The following CEP112 variants were observed in gnomAD, a reference collection of about 807,000 sequenced individuals.
CEP112 encodes centrosomal protein 112.
CEP112 carries 127 observed loss-of-function variants against 153.0 expected under a neutral mutation model. That is an observed-to-expected ratio of 0.83 (90% CI 0.72 to 0.96). The LOEUF (loss-of-function observed/expected upper bound fraction) is 0.96. Ranked by LOEUF, CEP112 falls within the 40% of genes least tolerant of loss-of-function variation. The probability of loss-of-function intolerance (pLI) is 0.00; values close to 1 mark genes in which losing one functional copy is unlikely to be tolerated. For synonymous variants in CEP112, 358 were observed against 374.4 expected, an observed-to-expected ratio of 0.96 and a Z score of 0.51; for missense variants, 1,089 against 1,101.2, an observed-to-expected ratio of 0.99 and a Z score of 0.16.
chr17:66,102,554 T>C (rs2068606339), intron 6 of CEP112, among the ~76,000 whole-genome samples: 1 of 151,902 alleles, frequency 6.6e-6, no homozygotes, highest in African/African-American at 2.4e-5. Flanking sequence ...TCCCAGAACT[T>C]TGGGAGGCCG....
At chr17:65,819,800 C>A (rs1159578160) in intron 21 of CEP112, among the ~76,000 whole-genome samples, 1 of 151,892 alleles carries the variant, frequency 6.6e-6, no homozygotes, top group Non-Finnish European at 1.5e-5. Context: ...CATGAAAGAT[C>A]AGGAAAGACA....
chr17:65,731,128 T>C (rs1413734974), intron 23 of CEP112, among the ~76,000 whole-genome samples: 1 of 152,148 alleles, frequency 6.6e-6, no homozygotes, highest in Non-Finnish European at 1.5e-5. Context: ...AACTCACATT[T>C]AGATAACTTG....
At chr17:65,978,544 T>C (rs988930441) in intron 17 of CEP112, among the ~76,000 whole-genome samples, 1 of 152,228 alleles carries the variant, frequency 6.6e-6, no homozygotes, top group African/African-American at 2.4e-5. Context: ...AACAGCCACA[T>C]AGGATTCTTT....
intron 23 of CEP112, among the ~76,000 whole-genome samples, chr17:65,692,694 AGT>A: frequency 6.6e-6 from 1 of 152,268 alleles, no homozygotes; most frequent in East Asian, 1.9e-4. Flanking sequence ...ACAAGAGCTA[AGT>A]ATGGACTTCT....
intron 22 of CEP112, among the ~76,000 whole-genome samples, chr17:65,749,611 T>C (rs1342003036): frequency 6.6e-6 from 1 of 152,204 alleles, no homozygotes; most frequent in Non-Finnish European, 1.5e-5. Flanking sequence ...AGATCCAGAC[T>C]GGGTCCTGGC....
intron 18 of CEP112, among the ~76,000 whole-genome samples, chr17:65,947,310 G>A (rs1432879706): frequency 1.3e-5 from 2 of 152,024 alleles, no homozygotes; most frequent in Non-Finnish European, 2.9e-5. Flanking sequence ...TAAATAAGCT[G>A]TGTATTCCCA....
intron 19 of CEP112, among the ~76,000 whole-genome samples, chr17:65,904,375 C>G (rs1337031855): frequency 2.6e-5 from 4 of 152,078 alleles, no homozygotes; most frequent in Non-Finnish European, 4.4e-5. Context: ...GAATAAAATA[C>G]CTAGGAATCC....
At chr17:65,704,153 T>TTA (rs1171129849) in intron 23 of CEP112, among the ~76,000 whole-genome samples, 4 of 151,980 alleles carry the variant, frequency 2.6e-5, no homozygotes, top group Non-Finnish European at 5.9e-5. Context: ...AGTGATCATC[T>TTA]AGAAGCCATG....
intron 4 of CEP112, among the ~76,000 whole-genome samples, chr17:66,143,183 AG>A (rs1398537600): frequency 2.0e-5 from 3 of 152,230 alleles, no homozygotes; most frequent in Non-Finnish European, 4.4e-5. Flanking sequence ...GATTTCAAGC[AG>A]GGTCCAGAGA....
intron 23 of CEP112, among the ~76,000 whole-genome samples, chr17:65,731,190 G>A (rs746273849): frequency 1.2e-4 from 18 of 152,048 alleles, no homozygotes; most frequent in Non-Finnish European, 2.5e-4. Context: ...TACAAATTGT[G>A]TTCTTAGATA....
intron 24 of CEP112, among the ~76,000 whole-genome samples, chr17:65,674,034 G>A (rs1175946674): frequency 5.9e-5 from 9 of 152,062 alleles, no homozygotes; most frequent in Admixed American, 5.2e-4. Context: ...GCGCCACCAA[G>A]CCCAGCTAAT....
chr17:66,096,144 C>T, intron 8 of CEP112, 107 bp downstream of exon 8: 1 of 704,320 alleles, frequency 1.4e-6, no homozygotes, highest in South Asian at 2.2e-5. Flanking sequence ...CAAGTGCAAC[C>T]TCTTCCTAGA....
chr17:65,744,431 A>G (rs2051321338), intron 22 of CEP112, among the ~76,000 whole-genome samples: 1 of 152,006 alleles, frequency 6.6e-6, no homozygotes, highest in Non-Finnish European at 1.5e-5. Context: ...TATTTTTAGT[A>G]GAGACGAGTT....
intron 21 of CEP112, among the ~76,000 whole-genome samples, chr17:65,792,738 C>G (rs957921201): frequency 6.6e-6 from 1 of 152,062 alleles, no homozygotes; most frequent in African/African-American, 2.4e-5. Context: ...ACATGTACCC[C>G]TGAACTTAGA....
intron 24 of CEP112, among the ~76,000 whole-genome samples, chr17:65,658,890 G>C (rs1481811490): frequency 6.6e-6 from 1 of 151,650 alleles, no homozygotes; most frequent in African/African-American, 2.4e-5. Context: ...AGGGAAGGAG[G>C]GAAAGTAGGT....
chr17:65,810,840 C>G (rs1189865190), intron 21 of CEP112, among the ~76,000 whole-genome samples: 2 of 152,038 alleles, frequency 1.3e-5, no homozygotes, highest in Non-Finnish European at 2.9e-5. Flanking sequence ...GACAGAGGTA[C>G]ACATTTCCAT....
At chr17:66,142,991 A>G (rs62063579) in intron 4 of CEP112, among the ~76,000 whole-genome samples, 27,964 of 152,134 alleles carry the variant, frequency 0.18, 3,302 homozygotes, top group Middle Eastern at 0.33. Context: ...ATATCTTTCC[A>G]TTTATCTGTG....
intron 18 of CEP112, 71 bp from the exon 19 acceptor site, chr17:65,927,760 C>T (rs1370696155): frequency 3.3e-5 from 31 of 940,830 alleles, no homozygotes; most frequent in Non-Finnish European, 4.7e-5. Context: ...GTAATTTGTC[C>T]ATTTGTTTAA....
intron 11 of CEP112, among the ~76,000 whole-genome samples, chr17:66,054,418 G>A (rs2066588527): frequency 6.6e-6 from 1 of 152,072 alleles, no homozygotes; most frequent in Admixed American, 6.5e-5. Context: ...AAACAATATG[G>A]GTAGGATGAC....
Sources: gnomAD v4.1 joint callset for allele counts (sites outside exome capture counted in the v4.1 genomes callset) on GRCh38, gnomAD v4.1.1 for gene constraint, MANE v1.5 for transcripts, NCBI Gene and HGNC (gene_info 2026-07-23, HGNC 2026-07-21) for gene names.